Variants in PARD3B observed in about 807,000 individuals in gnomAD.
PARD3B encodes par-3 family cell polarity regulator beta.
Under a neutral mutation model 130.2 loss-of-function variants are expected in PARD3B, and 103 were observed. The ratio of observed to expected loss-of-function variants is 0.79; its 90% CI spans 0.67 to 0.93. The LOEUF (loss-of-function observed/expected upper bound fraction) is 0.93. Ranked by LOEUF, PARD3B falls within the 40% of genes least tolerant of loss-of-function variation. The probability of loss-of-function intolerance (pLI) is 0.00; values close to 1 mark genes in which losing one functional copy is unlikely to be tolerated. For synonymous variants in PARD3B, 583 were observed against 553.2 expected (o/e 1.05, Z -0.76); for missense variants, 1,609 against 1,499.2 (o/e 1.07, Z -1.21).
chr2:204,814,310 C>G (rs916951352), intron 2 of PARD3B, among the ~76,000 whole-genome samples: 13 of 151,442 alleles, frequency 8.6e-5, no homozygotes, highest in Admixed American at 6.6e-5. Flanking sequence ...GACCTTGTAT[C>G]CTGAAACTTT....
intron 16 of PARD3B, among the ~76,000 whole-genome samples, chr2:205,295,025 A>G (rs558429523): frequency 6.6e-6 from 1 of 152,290 alleles, no homozygotes; most frequent in East Asian, 1.9e-4. Context: ...AGGCTAATGG[A>G]TTTGCAATGA....
chr2:204,605,433 C>A (rs1042291132), intron 1 of PARD3B, among the ~76,000 whole-genome samples: 6 of 152,142 alleles, frequency 3.9e-5, no homozygotes, highest in African/African-American at 1.4e-4. Context: ...AAGGTATATC[C>A]TTCTACATAC....
At chr2:205,394,343 T>C (rs1008887050) in intron 18 of PARD3B, among the ~76,000 whole-genome samples, 4 of 152,190 alleles carry the variant, frequency 2.6e-5, no homozygotes, top group Admixed American at 6.6e-5. Context: ...ATTTTTCTTA[T>C]ACATGCTGCA....
Position 204,648,659 on chromosome 2 carries a change from T to A in PARD3B, c.121-37522T>A, listed in dbSNP as rs1244704136. 2.8e-4 allele frequency among the ~76,000 whole-genome samples: 31 copies of A among 112,038 alleles called. No homozygotes were observed. In the South Asian group the frequency reaches 6.2e-3, roughly 22 times the overall value. 73.5% of individuals were successfully genotyped at this position (112,038 alleles called of 152,430 possible). On this transcript the variant is annotated intron_variant, in intron 1 of 22. Transcript: ENST00000406610. Reference sequence around the variant, plus strand: ...AATATATATTATATATATAATATATTTATAATATATATCATATAAATAATA... The same window carrying A: ...AATATATATTATATATATAATATATATATAATATATATCATATAAATAATA...
intron 20 of PARD3B, among the ~76,000 whole-genome samples, chr2:205,450,642 T>G (rs1036981790): frequency 6.6e-6 from 1 of 151,578 alleles, no homozygotes; most frequent in African/African-American, 2.4e-5. Context: ...TCCGGCTAAT[T>G]TTTTTGTATT....
At chr2:205,037,266 T>C (rs1192224447) in intron 3 of PARD3B, among the ~76,000 whole-genome samples, 1 of 146,186 alleles carries the variant, frequency 6.8e-6, no homozygotes, top group Non-Finnish European at 1.5e-5. Flanking sequence ...TATAGTGGAC[T>C]ATTTGTATAA....
intron 1 of PARD3B, among the ~76,000 whole-genome samples, chr2:204,624,794 T>C (rs2034430207): frequency 6.6e-6 from 1 of 152,166 alleles, no homozygotes; most frequent in East Asian, 1.9e-4. Flanking sequence ...TCTTTAGTTA[T>C]TTGGTAAACT....
intron 2 of PARD3B, among the ~76,000 whole-genome samples, chr2:204,885,290 C>G (rs1394895420): frequency 6.6e-6 from 1 of 152,118 alleles, no homozygotes. Context: ...TGAAAAGTGT[C>G]TATTCATGTC....
In PARD3B at chr2:205,125,692, G is replaced by A. The variant is rs771343313; in HGVS notation, c.1389G>A (p.Ser463=). 8.7e-6 allele frequency: 14 copies of A among 1,614,012 alleles called. No individual in the cohort carries two copies. The Admixed American group carries it at 1.0e-4, about 12-fold the overall frequency. ...GCACCAAGCAGGGGGAGACAGCATC[G>A]CTGGTCATTGCCCGCCAAGAAGGAC... ...LRSTKQGETA[S]LVIARQEGHF... is the part of the protein sequence containing the mutation. Residue 463 remains serine, a synonymous_variant, in exon 10 of 23, where the codon TCG becomes TCA. Coordinates refer to ENST00000406610, the MANE Select transcript of PARD3B (RefSeq NM_001302769.2). This position sits in a 1 kb window ranked among gnomAD's most constrained non-coding sequence, Gnocchi z 4.0.
intron 3 of PARD3B, among the ~76,000 whole-genome samples, chr2:204,965,579 A>G (rs758741967): frequency 2.0e-5 from 3 of 152,158 alleles, no homozygotes; most frequent in Non-Finnish European, 4.4e-5. Flanking sequence ...ATGCTAAATG[A>G]TGAAGTTTGC....
At chr2:205,074,409 A>C (rs910252922) in intron 4 of PARD3B, among the ~76,000 whole-genome samples, 1 of 152,304 alleles carries the variant, frequency 6.6e-6, no homozygotes. Context: ...TTCTACCTTG[A>C]TGGGTTTGAA....
chr2:205,002,082 G>A (rs1178401721), intron 3 of PARD3B, among the ~76,000 whole-genome samples: 1 of 152,142 alleles, frequency 6.6e-6, no homozygotes, highest in Non-Finnish European at 1.5e-5. Context: ...TATGACACAT[G>A]TGAGTAGTTT....
At chr2:204,572,427 A>G (rs935870441) in intron 1 of PARD3B, among the ~76,000 whole-genome samples, 4 of 152,064 alleles carry the variant, frequency 2.6e-5, no homozygotes, top group Non-Finnish European at 5.9e-5. Flanking sequence ...CCTGGAAGGA[A>G]GCAGCCCTCT....
At chr2:204,609,159 A>G (rs1038126216) in intron 1 of PARD3B, among the ~76,000 whole-genome samples, 4 of 152,216 alleles carry the variant, frequency 2.6e-5, no homozygotes, top group Admixed American at 2.6e-4. Context: ...CTATTTGGAA[A>G]GTTTTGATTT....
chr2:205,024,223 A>G (rs993936470), intron 3 of PARD3B, among the ~76,000 whole-genome samples: 2 of 131,132 alleles, frequency 1.5e-5, no homozygotes, highest in African/African-American at 5.9e-5. Flanking sequence ...GCTGGAGTGC[A>G]GTGGCGCGTT....
chr2:205,423,020 C>A (rs1421917642), intron 19 of PARD3B, among the ~76,000 whole-genome samples: 1 of 152,190 alleles, frequency 6.6e-6, no homozygotes, highest in African/African-American at 2.4e-5. Flanking sequence ...CAGGTTTGAA[C>A]TGATGGCCAT....
At chr2:205,399,509 G>C (rs908410933) in intron 18 of PARD3B, among the ~76,000 whole-genome samples, 19 of 151,510 alleles carry the variant, frequency 1.3e-4, no homozygotes, top group Non-Finnish European at 1.9e-4. Flanking sequence ...CATGCACCAC[G>C]ACGCCCGGCT....
At chr2:205,071,034 G>A (rs1430668078) in intron 4 of PARD3B, among the ~76,000 whole-genome samples, 5 of 151,934 alleles carry the variant, frequency 3.3e-5, no homozygotes, top group Non-Finnish European at 5.9e-5. Context: ...GTTTTAAATG[G>A]CCAGTTTTCA....
chr2:204,594,039 C>T (rs1459223877), intron 1 of PARD3B, among the ~76,000 whole-genome samples: 1 of 152,202 alleles, frequency 6.6e-6, no homozygotes, highest in Non-Finnish European at 1.5e-5. Flanking sequence ...TCCATCAACA[C>T]TCGGTCCCTG....
Sources: allele counts gnomAD v4.1 joint callset (sites outside exome capture counted in the v4.1 genomes callset), GRCh38; gene constraint gnomAD v4.1.1; non-coding constraint Gnocchi (gnomAD v3.1); transcripts MANE v1.5; gene names NCBI Gene and HGNC (gene_info 2026-07-23, HGNC 2026-07-21).